The following ABCA4 variants were observed in gnomAD, a reference collection of about 807,000 sequenced individuals.
The protein encoded by ABCA4 is retinal-specific phospholipid-transporting ATPase ABCA4.
Under a neutral mutation model 263.7 loss-of-function variants are expected in ABCA4, and 196 were observed. The ratio of observed to expected loss-of-function variants is 0.74; its 90% CI spans 0.66 to 0.84. The LOEUF (loss-of-function observed/expected upper bound fraction) is 0.84. Among genes scored for constraint, ABCA4 ranks in the 40% least tolerant of loss-of-function variants. The pLI, the probability that ABCA4 is intolerant of heterozygous loss-of-function variation, is 0.00. For missense variants in ABCA4, 2,792 were observed against 2,855.1 expected, an observed-to-expected ratio of 0.98 and a Z score of 0.50; for synonymous variants, 1,133 against 1,094.2, an observed-to-expected ratio of 1.04 and a Z score of -0.70.
intron 44 of ABCA4, among the ~76,000 whole-genome samples, chr1:94,003,584 A>T (rs58541150): frequency 0.26 from 40,279 of 152,056 alleles, 9,407 homozygotes; most frequent in African/African-American, 0.63. Context: ...TGTTTCTCCC[A>T]TGTAACCAAT....
At chr1:94,017,347 T>A (rs909822232) in intron 36 of ABCA4, among the ~76,000 whole-genome samples, 1 of 152,190 alleles carries the variant, frequency 6.6e-6, no homozygotes, top group African/African-American at 2.4e-5. Flanking sequence ...TGTTTGCTGA[T>A]ACTGCTGCCA....
At chr1:94,036,886 G>T in intron 25 of ABCA4, 98 bp from the exon 26 acceptor site, 1 of 1,231,750 alleles carries the variant, frequency 8.1e-7, no homozygotes. Flanking sequence ...CTTCATAATG[G>T]GAAGAAAATC....
At chr1:94,066,620 A>G (rs777205227) in intron 11 of ABCA4, among the ~76,000 whole-genome samples, 10 of 152,246 alleles carry the variant, frequency 6.6e-5, no homozygotes, top group Admixed American at 2.0e-4. Flanking sequence ...TTGGGATCAG[A>G]GGAGCAAAGG....
rs3789376 is a variant in ABCA4, at chr1:94,006,084, C to T, written c.6006-502G>A. Among the ~76,000 whole-genome samples the T allele has an allele frequency of 7.2e-5, 11 of 152,270 alleles. No individual in the cohort carries two copies. The East Asian group carries it at 1.7e-3, about 24-fold the overall frequency. On this transcript the variant is annotated intron_variant, in intron 43 of 49. Coordinates refer to ENST00000370225, the MANE Select transcript of ABCA4 (RefSeq NM_000350.3). ...AGCAGGGGTAGAGTGAGTTGGGTTC[C>T]ACCAACTCCCTTTGGCTAATATATT...
chr1:94,021,359 C>T lies in ABCA4; in HGVS notation c.4899G>A (p.Val1633=), dbSNP rs1413772434. The T allele has an allele frequency of 1.2e-6, 2 of 1,614,150 alleles. No homozygotes were observed. Among genetic ancestry groups the T allele is most frequent in the Non-Finnish European group, 8.5e-7 (1 of 1,180,028 alleles). The change falls in exon 35 of 50, where the codon GTG becomes GTA. Residue 1633 remains valine, a synonymous_variant. Coordinates refer to ENST00000370225, the MANE Select transcript of ABCA4 (RefSeq NM_000350.3). The stretch of plus-strand genomic sequence containing the variant: ...TGGCCCGTAAGATGGCGTTGTGGGC[C>T]ACATTGAGAAAGCTGACCAGGGCAT... ...GWHALVSFLN[V]AHNAILRASL...
Position 93,996,207 on chromosome 1 carries a change from A to G in ABCA4, c.6730-12T>C. ...AAATTTACAAACACCTAGAGGTAAGAGAAGAGCGAGATTAGGTAGATATTT... is the reference window on the plus strand; with the variant it reads ...AAATTTACAAACACCTAGAGGTAAGGGAAGAGCGAGATTAGGTAGATATTT... On this transcript the variant is annotated splice_polypyrimidine_tract_variant and intron_variant, in intron 48 of 49. Transcript: ENST00000370225. 1.3e-6 allele frequency: 2 copies of G among 1,595,222 alleles called. No individual in the cohort carries two copies. Among genetic ancestry groups the G allele is most frequent in the Non-Finnish European group, 1.7e-6 (2 of 1,164,048 alleles).
At chr1:94,029,704 T>C in intron 29 of ABCA4, 73 bp from the exon 30 acceptor site, 1 of 1,422,626 alleles carries the variant, frequency 7.0e-7, no homozygotes, top group Non-Finnish European at 9.7e-7. Context: ...TAAGAAATTG[T>C]GCCCAACCCT....
Position 94,047,046 on chromosome 1 carries a change from C to T in ABCA4, c.2791G>A (p.Val931Met), listed in dbSNP as rs58331765. The change falls in exon 19 of 50, where the codon GTG (valine) becomes ATG (methionine). Residue 931 changes from valine (V) to methionine (M), a missense_variant. Coordinates refer to ENST00000370225, the MANE Select transcript of ABCA4 (RefSeq NM_000350.3). ...EHPGWVPGVC[V>M]KNLVKIFEPC... Reference sequence around the variant, plus strand: ...TCAAAAATCTTTACCAGATTCTTCACGCATACCCCAGGAACCCACCCTGGA... The same window carrying T: ...TCAAAAATCTTTACCAGATTCTTCATGCATACCCCAGGAACCCACCCTGGA... 2.7e-4 allele frequency: 436 copies of T among 1,614,130 alleles called. No individual in the cohort carries two copies. In the African/African-American group the frequency reaches 4.2e-3, roughly 16 times the overall value.
chr1:94,042,713 A>C (rs776879533), intron 22 of ABCA4, 48 bp downstream of exon 22: 1 of 1,613,098 alleles, frequency 6.2e-7, no homozygotes, highest in Non-Finnish European at 8.5e-7. Flanking sequence ...GACCACAGCT[A>C]GGGCTGCAGT....
intron 1 of ABCA4, among the ~76,000 whole-genome samples, chr1:94,114,729 C>T (rs552549143): frequency 2.5e-3 from 377 of 152,268 alleles, no homozygotes; most frequent in African/African-American, 8.3e-3. Flanking sequence ...CCTGGTGATC[C>T]GCCTGCCTCA....
intron 11 of ABCA4, among the ~76,000 whole-genome samples, chr1:94,073,018 G>A (rs1197154875): frequency 6.6e-6 from 1 of 152,098 alleles, no homozygotes; most frequent in Non-Finnish European, 1.5e-5. Context: ...CCCCCAGGCA[G>A]GCCTTCAGCA....
At chr1:94,087,122 G>A (rs1019028460) in intron 6 of ABCA4, among the ~76,000 whole-genome samples, 4 of 152,228 alleles carry the variant, frequency 2.6e-5, no homozygotes, top group Admixed American at 6.5e-5. Flanking sequence ...AATTGCCTCC[G>A]AAAGGCCCCA....
chr1:94,079,188 C>T (rs1015097257), intron 9 of ABCA4, 134 bp downstream of exon 9: 21 of 1,327,238 alleles, frequency 1.6e-5, no homozygotes, highest in South Asian at 1.5e-4. Flanking sequence ...GGGGAGGAAA[C>T]GCAAGAGTCC....
chr1:94,049,083 T>G, intron 17 of ABCA4, 126 bp from the exon 18 acceptor site: 2 of 816,398 alleles, frequency 2.4e-6, no homozygotes, highest in Admixed American at 4.0e-5. Context: ...GCTCTAGGAC[T>G]GTGAGGTACT....
At chr1:93,998,237 TCCCAGCAA>T (rs1262951932) in intron 47 of ABCA4, 127 bp from the exon 48 acceptor site, 1 of 1,303,108 alleles carries the variant, frequency 7.7e-7, no homozygotes. Context: ...ACACCTGAAA[TCCCAGCAA>T]TTTGGGAGGT....
In ABCA4 at chr1:94,005,331, G is replaced by C. The variant is rs1659347373; in HGVS notation, c.6147+110C>G. ...ACACATAGTAAACATTTGTTGGAAT[G>C]AATGAATGAATAGCACGCTTCAGTT... On this transcript the variant is annotated intron_variant, in intron 44 of 49. Coordinates refer to ENST00000370225, the MANE Select transcript of ABCA4 (RefSeq NM_000350.3). The C allele has an allele frequency of 7.9e-6, 11 of 1,385,024 alleles. No homozygotes were observed. In the South Asian group the frequency reaches 1.2e-4, roughly 15 times the overall value. The allele number at this position is 1,385,024 out of a possible 1,614,324, so 85.8% of individuals were successfully genotyped here. A position where few individuals can be genotyped will look rare whatever the true frequency, so the allele number is the denominator to read the frequency against.
intron 11 of ABCA4, among the ~76,000 whole-genome samples, chr1:94,074,658 T>C (rs1661490852): frequency 6.6e-6 from 1 of 152,168 alleles, no homozygotes; most frequent in Non-Finnish European, 1.5e-5. Context: ...AGAATGGTGA[T>C]TATTAAAATG....
In ABCA4 at chr1:94,042,876, C is replaced by A. The variant is rs141233353; in HGVS notation, c.3213G>T (p.Ser1071=). The change falls in exon 22 of 50, where the codon TCG becomes TCT. Residue 1071 remains serine (S), a synonymous_variant. Coordinates refer to ENST00000370225, the MANE Select transcript of ABCA4 (RefSeq NM_000350.3). Reference sequence around the variant, plus strand: ...CATCTCCCACAAAGGCAATGGCAACCGACAGCTTTCTCTGCATGCCACCTG... The same window carrying A: ...CATCTCCCACAAAGGCAATGGCAACAGACAGCTTTCTCTGCATGCCACCTG... ...DLSGGMQRKL[S]VAIAFVGDAK... 1 of 1,614,188 alleles carries A rather than the reference C, an allele frequency of 6.2e-7. No individual in the cohort carries two copies. The highest frequency in any genetic ancestry group is 8.5e-7 in the Non-Finnish European group (1 of 1,180,036).
chr1:94,049,984 G>A (rs1660789494), intron 17 of ABCA4, among the ~76,000 whole-genome samples: 1 of 152,224 alleles, frequency 6.6e-6, no homozygotes, highest in Admixed American at 6.5e-5. Context: ...ACTGTCACCA[G>A]GCATCCAAGG....
Sources: allele counts gnomAD v4.1 joint callset (sites outside exome capture counted in the v4.1 genomes callset), GRCh38; gene constraint gnomAD v4.1.1; transcripts MANE v1.5; gene names NCBI Gene and HGNC (gene_info 2026-07-23, HGNC 2026-07-21).